TENM3: variants seen among roughly 807,000 people sequenced by gnomAD.
The protein encoded by TENM3 is teneurin transmembrane protein 3, also known as teneurin-3.
In TENM3, 63 loss-of-function variants were observed where a neutral mutation model predicts 255.1. That is an observed-to-expected ratio of 0.25 (90% confidence interval 0.20 to 0.30). The LOEUF (loss-of-function observed/expected upper bound fraction) is 0.30. TENM3 is among the 10% of genes least tolerant of loss of function. The probability of loss-of-function intolerance (pLI) is 1.00; values close to 1 mark genes in which losing one functional copy is unlikely to be tolerated. For synonymous variants in TENM3, 1,306 were observed against 1,322.3 expected, an observed-to-expected ratio of 0.99 and a Z score of 0.27; for missense variants, 2,929 against 3,461.1, an observed-to-expected ratio of 0.85 and a Z score of 3.86.
At chr4:182,495,743 G>A (rs760233043) in intron 3 of TENM3, among the ~76,000 whole-genome samples, 1 of 152,148 alleles carries the variant, frequency 6.6e-6, no homozygotes, top group Non-Finnish European at 1.5e-5. Context: ...AATGCTTCAA[G>A]TTCACAGTAC....
the TENM3 span, among the ~76,000 whole-genome samples, chr4:181,491,467 G>GA: frequency 5.5e-4 from 84 of 151,624 alleles, no homozygotes; most frequent in Non-Finnish European, 8.9e-4. Context: ...CCAAATGTTA[G>GA]AAAAAAATCT....
At chr4:181,896,077 T>G in the TENM3 span, among the ~76,000 whole-genome samples, 1 of 152,190 alleles carries the variant, frequency 6.6e-6, no homozygotes, top group African/African-American at 2.4e-5. Context: ...TTAAAGAGCA[T>G]AGCCTTTAAT....
At chr4:182,790,940 A>C (rs1766057796) in intron 25 of TENM3, among the ~76,000 whole-genome samples, 1 of 152,168 alleles carries the variant, frequency 6.6e-6, no homozygotes, top group Non-Finnish European at 1.5e-5. Context: ...GGATCAGAAA[A>C]GACAACAGAC....
At chr4:182,580,628 G>A (rs6552578) in intron 3 of TENM3, among the ~76,000 whole-genome samples, 66,157 of 151,874 alleles carry the variant, frequency 0.44, 15,559 homozygotes, top group African/African-American at 0.6. Context: ...ATCAGAAAGT[G>A]TTTTCATTAT....
At chr4:181,786,229 GT>G in the TENM3 span, among the ~76,000 whole-genome samples, 5 of 152,236 alleles carry the variant, frequency 3.3e-5, no homozygotes, top group Admixed American at 3.3e-4. Flanking sequence ...CCGTTATGTG[GT>G]ACCAAAAAGG....
At chr4:182,581,928 A>C (rs1209751270) in intron 3 of TENM3, among the ~76,000 whole-genome samples, 1 of 152,082 alleles carries the variant, frequency 6.6e-6, no homozygotes, top group African/African-American at 2.4e-5. Context: ...TTTGTTTCTT[A>C]GCATAAGAGG....
At position 182,208,854 on chromosome 4, in the gene TENM3, G is replaced by C. The variant is rs114052618; in HGVS notation, c.-76+64100G>C. On this transcript the variant is annotated intron_variant, in intron 1 of 2. Coordinates refer to the TENM3 transcript ENST00000512480. ...AACCTGTGCTTGCCTCTGTTGCAAC[G>C]TTGGTTTAGTGGTCAAAGTATATTT... 4.5e-3 allele frequency among the ~76,000 whole-genome samples: 692 copies of C among 152,248 alleles called. 2 individuals carry two copies. The highest frequency in any genetic ancestry group is 7.1e-3 in the Non-Finnish European group (484 of 68,024).
chr4:182,204,402 GT>G (rs1168334804), intron 1 of TENM3, among the ~76,000 whole-genome samples: 1 of 152,128 alleles, frequency 6.6e-6, no homozygotes, highest in Non-Finnish European at 1.5e-5. Context: ...ATAATAGGTT[GT>G]TTTTTTGGTG....
the TENM3 span, among the ~76,000 whole-genome samples, chr4:182,042,943 G>A: frequency 5.7e-3 from 869 of 151,666 alleles, 1 homozygote; most frequent in Non-Finnish European, 8.8e-3. Context: ...TGCAAAAAGA[G>A]TTTTTTGCTA....
chr4:182,403,240 A>G (rs1769324826), intron 3 of TENM3, among the ~76,000 whole-genome samples: 1 of 152,212 alleles, frequency 6.6e-6, no homozygotes, highest in Admixed American at 6.5e-5. Context: ...ACATTTTTAC[A>G]AAGGCACGAT....
the TENM3 span, among the ~76,000 whole-genome samples, chr4:182,051,642 G>C: frequency 6.6e-6 from 1 of 151,948 alleles, no homozygotes; most frequent in Non-Finnish European, 1.5e-5. Flanking sequence ...CAAAGTGCTG[G>C]GATTACAGGC....
the TENM3 span, among the ~76,000 whole-genome samples, chr4:181,647,951 T>C: frequency 6.6e-6 from 1 of 152,072 alleles, no homozygotes; most frequent in Non-Finnish European, 1.5e-5. Flanking sequence ...TCCACACTGC[T>C]GTGAGTTCTA....
At chr4:182,204,547 T>C (rs1240841058) in intron 1 of TENM3, among the ~76,000 whole-genome samples, 1 of 152,210 alleles carries the variant, frequency 6.6e-6, no homozygotes, top group Non-Finnish European at 1.5e-5. Context: ...TTCCAGACAC[T>C]ATTTTTCAAC....
the TENM3 span, among the ~76,000 whole-genome samples, chr4:182,123,725 GAC>G: frequency 1.3e-5 from 2 of 152,156 alleles, no homozygotes; most frequent in African/African-American, 4.8e-5. Flanking sequence ...TACCAAATGT[GAC>G]ACAGAGACAC....
chr4:181,568,768 C>T, the TENM3 span, among the ~76,000 whole-genome samples: 2 of 152,196 alleles, frequency 1.3e-5, no homozygotes, highest in African/African-American at 2.4e-5. Context: ...CTTCCCTAAT[C>T]CTTTCCAAGC....
the TENM3 span, among the ~76,000 whole-genome samples, chr4:181,924,735 T>A: frequency 2.0e-5 from 3 of 152,208 alleles, no homozygotes; most frequent in Admixed American, 2.0e-4. Context: ...CACCAGTTTG[T>A]ATTGGCTCTC....
the TENM3 span, among the ~76,000 whole-genome samples, chr4:182,129,979 TTACTG>T: frequency 1.3e-5 from 2 of 152,166 alleles, no homozygotes; most frequent in Admixed American, 6.5e-5. Flanking sequence ...ACTATTGTTC[TTACTG>T]TAAAGTTTCT....
intron 6 of TENM3, among the ~76,000 whole-genome samples, chr4:182,669,268 T>TTTTTG (rs1554011629): frequency 1.4e-4 from 21 of 150,990 alleles, no homozygotes; most frequent in East Asian, 5.9e-4. Flanking sequence ...ATGTCACGTT[T>TTTTTG]TTTTTGTTTT....
chr4:181,923,107 T>C, the TENM3 span, among the ~76,000 whole-genome samples: 2 of 152,194 alleles, frequency 1.3e-5, no homozygotes, highest in Admixed American at 6.5e-5. Context: ...AGACAGTTTG[T>C]TATAATTTCT....
Sources: gnomAD v4.1 joint callset for allele counts (sites outside exome capture counted in the v4.1 genomes callset) on GRCh38, gnomAD v4.1.1 for gene constraint, MANE v1.5 for transcripts, NCBI Gene and HGNC (gene_info 2026-07-23, HGNC 2026-07-21) for gene names.